Variants in MAPT observed in about 807,000 individuals in gnomAD.
The protein encoded by MAPT is microtubule-associated protein tau.
A neutral mutation model predicts 67.9 loss-of-function variants in MAPT; 34 were observed. The ratio of observed to expected loss-of-function variants is 0.50; its 90% CI spans 0.38 to 0.67. The LOEUF (loss-of-function observed/expected upper bound fraction) is 0.67, where lower values mean the gene tolerates loss of function less well. Among genes scored for constraint, MAPT ranks in the 30% least tolerant of loss-of-function variants. The probability of loss-of-function intolerance (pLI) is 0.00; values close to 1 mark genes in which losing one functional copy is unlikely to be tolerated. For missense variants in MAPT, 881 were observed against 1,115.2 expected (o/e 0.79, Z 2.99); for synonymous variants, 456 against 464.5 (o/e 0.98, Z 0.23).
rs62062285 is a variant in MAPT at position 46,018,295 on chromosome 17, T to G, written c.2174-323T>G. ...AAATATTTGATGCACACTTTGATTA[T>G]ATAGATGAAGCAAACTATTTTCAAG... is the stretch of plus-strand genomic sequence containing the variant. On this transcript the variant is annotated intron_variant, in intron 11 of 12. Transcript: ENST00000262410. Among the ~76,000 whole-genome samples the G allele has an allele frequency of 0.14, 21,806 of 152,252 alleles. 2,132 individuals carry two copies. The highest frequency in any genetic ancestry group is 0.22 in the Non-Finnish European group (14,751 of 67,998).
At chr17:45,920,769 G>A (rs1363291381) in intron 1 of MAPT, among the ~76,000 whole-genome samples, 4 of 152,120 alleles carry the variant, frequency 2.6e-5, no homozygotes, top group Non-Finnish European at 4.4e-5. Flanking sequence ...TGAGGTCCCC[G>A]AGAGAGTGGG....
chr17:45,909,869 C>CAAAAAAAAAAAAA (rs59131080), intron 1 of MAPT, among the ~76,000 whole-genome samples: 1 of 59,860 alleles, frequency 1.7e-5, no homozygotes, highest in East Asian at 7.0e-4. Flanking sequence ...GACTCTGTCT[C>CAAAAAAAAAAAAA]AAAAAAAAAA....
chr17:45,983,554 C>A lies in MAPT; in HGVS notation c.975C>A (p.Ala325=). ...ATGGGCGGCCTCCCCAGACAGCCGCCAGAGAAGCCACCAGCATCCCAGGCT... is the reference window on the plus strand; with the variant it reads ...ATGGGCGGCCTCCCCAGACAGCCGCAAGAGAAGCCACCAGCATCCCAGGCT... ...AQDGRPPQTA[A]REATSIPGFP... is the part of the protein sequence containing the mutation. Residue 325 remains alanine, a synonymous_variant, in exon 5 of 13, where the codon GCC becomes GCA. Coordinates refer to ENST00000262410, the MANE Select transcript of MAPT (RefSeq NM_001377265.1). The A allele has an allele frequency of 6.2e-7, 1 of 1,613,108 alleles. No homozygotes were observed. The highest frequency in any genetic ancestry group is 8.5e-7 in the Non-Finnish European group (1 of 1,179,974).
At chr17:45,964,663 G>A (rs370611332) in intron 2 of MAPT, among the ~76,000 whole-genome samples, 3 of 151,712 alleles carry the variant, frequency 2.0e-5, no homozygotes, top group African/African-American at 7.3e-5. Flanking sequence ...CAGCCTGGGC[G>A]ACAGAGACCC....
Position 46,010,391 on chromosome 17 carries a change from G to A in MAPT, c.2080G>A (p.Gly694Arg). 6.4e-7 allele frequency: 1 copy of A among 1,573,374 alleles called. No homozygotes were observed. The highest frequency in any genetic ancestry group is 8.6e-7 in the Non-Finnish European group (1 of 1,158,036). ...GSKDNIKHVP[G>R]GGSVQIVYKP... ...AAAGGATAATATCAAACACGTCCCG[G>A]GAGGCGGCAGTGTGAGTACCTTCAC... Residue 694 changes from glycine to arginine, a missense_variant, in exon 10 of 13, where the codon GGA becomes AGA. Around this residue, in one of 6 missense-constraint regions of MAPT, gnomAD observed 34 missense variants for 51.2 expected, o/e 0.66. Coordinates refer to ENST00000262410, the MANE Select transcript of MAPT (RefSeq NM_001377265.1). This position sits in a 1 kb window ranked among gnomAD's most constrained non-coding sequence, Gnocchi z 4.7.
In MAPT at chr17:45,897,167, CCAGA is replaced by C. The variant is rs1386283739; in HGVS notation, c.-18+2486_-18+2489del. Reference sequence around the variant, plus strand: ...AAGCATCGTCTCTCCTCCCTCGCCCCCAGACAGAGCTGGGCGCGGGGTTCCCCTT... The same window carrying C: ...AAGCATCGTCTCTCCTCCCTCGCCCCCAGAGCTGGGCGCGGGGTTCCCCTT... On this transcript the variant is annotated intron_variant, in intron 1 of 12. Transcript: ENST00000262410. This position sits in a 1 kb window ranked among gnomAD's most constrained non-coding sequence, Gnocchi z 5.0. The C allele has an allele frequency of 6.6e-6, 1 of 152,214 alleles. No individual in the cohort carries two copies. Among genetic ancestry groups the C allele is most frequent in the Non-Finnish European group, 1.5e-5 (1 of 68,054 alleles). The allele number at this position is 152,214 out of a possible 1,614,324, so 9.4% of individuals were successfully genotyped here.
At chr17:46,018,869 A>G in intron 12 of MAPT, 139 bp downstream of exon 12, 1 of 680,558 alleles carries the variant, frequency 1.5e-6, no homozygotes, top group Non-Finnish European at 2.6e-6. Flanking sequence ...GGCCCTCAGC[A>G]GCATCCAGTG....
chr17:45,982,084 G>T (rs1030868337), intron 4 of MAPT, among the ~76,000 whole-genome samples: 1 of 151,736 alleles, frequency 6.6e-6, no homozygotes, highest in African/African-American at 2.4e-5. Context: ...CAGCACTTTG[G>T]GGACCGGGGT....
intron 2 of MAPT, among the ~76,000 whole-genome samples, chr17:45,962,832 G>A (rs1357179410): frequency 6.6e-6 from 1 of 152,072 alleles, no homozygotes; most frequent in African/African-American, 2.4e-5. Flanking sequence ...TGCTGAGGCA[G>A]AAGGATCACT....
At position 46,026,996 on chromosome 17, in the gene MAPT, A is replaced by C. The variant is rs1400093008; in HGVS notation, c.*2825A>C. 4 of 152,166 alleles carry C rather than the reference A, an allele frequency of 2.6e-5. No homozygotes were observed. The highest frequency in any genetic ancestry group is 9.7e-5 in the African/African-American group (4 of 41,440). 9.4% of individuals were successfully genotyped at this position (152,166 alleles called of 1,614,324 possible). A position where few individuals can be genotyped will look rare whatever the true frequency, so the allele number is the denominator to read the frequency against. On this transcript the variant is annotated 3_prime_UTR_variant, in exon 13 of 13. Transcript: ENST00000262410. ...TACCTGAAAGGAAGTCTCTGGGCCC[A>C]GAACTCTCCACCAAGAGCCTCCCTG...
intron 1 of MAPT, among the ~76,000 whole-genome samples, chr17:45,949,348 C>T (rs2068829909): frequency 6.6e-6 from 1 of 152,242 alleles, no homozygotes; most frequent in East Asian, 1.9e-4. Flanking sequence ...GATGCGCCCG[C>T]GGTGTAGGAG....
rs1284714846 is a variant in MAPT at position 45,906,065 on chromosome 17, G to T, written c.-18+11379G>T. Among the ~76,000 whole-genome samples, 2 of 152,228 alleles carry T rather than the reference G, an allele frequency of 1.3e-5. No homozygotes were observed. The highest frequency in any genetic ancestry group is 4.8e-5 in the African/African-American group (2 of 41,458). Reference sequence around the variant, plus strand: ...CGTGCCCAGGAGGGATGCATGGGTGGCCACAGCCCAGCCTGCACTGATCTT... The same window carrying T: ...CGTGCCCAGGAGGGATGCATGGGTGTCCACAGCCCAGCCTGCACTGATCTT... On this transcript the variant is annotated intron_variant, in intron 1 of 12. Transcript: ENST00000262410. This position sits in a 1 kb window ranked among gnomAD's most constrained non-coding sequence, Gnocchi z 4.3.
chr17:45,992,469 C>T (rs1568297003), intron 8 of MAPT, among the ~76,000 whole-genome samples: 2 of 152,196 alleles, frequency 1.3e-5, no homozygotes, highest in Non-Finnish European at 2.9e-5. Flanking sequence ...GCTGCAAAAC[C>T]TGAGGGTCTT....
intron 3 of MAPT, chr17:45,974,347 G>T: frequency 2.8e-6 from 4 of 1,424,446 alleles, no homozygotes; most frequent in Non-Finnish European, 3.8e-6. Flanking sequence ...GGTATGGCTC[G>T]TCCTGGCCCC....
At chr17:45,974,384 GAT>G (rs2072082663) in intron 3 of MAPT, 2 of 1,598,074 alleles carry the variant, frequency 1.3e-6, no homozygotes, top group Non-Finnish European at 1.7e-6. Flanking sequence ...GTGGTTTCTA[GAT>G]GTGACAGCAC....
intron 1 of MAPT, among the ~76,000 whole-genome samples, chr17:45,957,303 G>A (rs1360092784): frequency 6.6e-6 from 1 of 152,212 alleles, no homozygotes; most frequent in African/African-American, 2.4e-5. Flanking sequence ...ACTGGTGTGA[G>A]ATGTTATCTC....
At chr17:45,921,290 G>C (rs2065688383) in intron 1 of MAPT, among the ~76,000 whole-genome samples, 2 of 152,310 alleles carry the variant, frequency 1.3e-5, no homozygotes, top group South Asian at 4.1e-4. Flanking sequence ...CCTTGGAGAA[G>C]AATTCTCTTC....
rs2143657656 is a variant in MAPT at position 45,897,279 on chromosome 17, G to A, written c.-18+2593G>A. On this transcript the variant is annotated intron_variant, in intron 1 of 12. Transcript: ENST00000262410. This position sits in a 1 kb window ranked among gnomAD's most constrained non-coding sequence, Gnocchi z 5.0. ...TACGTATTGCCATCTCGCGAGCAGA[G>A]ATGTCACCTCCTGCCTTTGGAGGAA... 6.6e-6 allele frequency: 1 copy of A among 152,400 alleles called. No homozygotes were observed. Among genetic ancestry groups the A allele is most frequent in the East Asian group, 1.9e-4 (1 of 5,188 alleles). The allele number at this position is 152,400 out of a possible 1,614,324, so 9.4% of individuals were successfully genotyped here.
At chr17:45,918,548 T>C (rs2065402153) in intron 1 of MAPT, among the ~76,000 whole-genome samples, 1 of 152,200 alleles carries the variant, frequency 6.6e-6, no homozygotes, top group Non-Finnish European at 1.5e-5. Flanking sequence ...AACTGGCCCC[T>C]AGCCACACTG....
Sources: gnomAD v4.1 joint callset for allele counts (sites outside exome capture counted in the v4.1 genomes callset) on GRCh38, gnomAD v4.1.1 for gene constraint, gnomAD v4.1.1 regional missense constraint, Gnocchi (gnomAD v3.1) non-coding constraint, MANE v1.5 for transcripts, NCBI Gene and HGNC (gene_info 2026-07-23, HGNC 2026-07-21) for gene names.